Variants in CFAP20DC observed in about 807,000 individuals in gnomAD.
CFAP20DC encodes the protein CFAP20 domain containing.
In CFAP20DC, 84 loss-of-function variants were observed where a neutral mutation model predicts 101.7. The ratio of observed to expected loss-of-function variants is 0.83; its 90% CI spans 0.69 to 0.99. The LOEUF is 0.99. CFAP20DC is among the 50% of genes least tolerant of loss of function. CFAP20DC has a pLI of 0.00. For synonymous variants in CFAP20DC, 359 were observed against 351.2 expected (o/e 1.02, Z -0.25); for missense variants, 1,007 against 970.3 (o/e 1.04, Z -0.50).
At chr3:59,004,501 C>A (rs924679570) in intron 4 of CFAP20DC, among the ~76,000 whole-genome samples, 9 of 152,172 alleles carry the variant, frequency 5.9e-5, no homozygotes, top group African/African-American at 2.2e-4. Context: ...CTCCAAGCAA[C>A]CTCTGGCTTT....
At chr3:58,733,519 A>T (rs1235157564) in intron 3 of CFAP20DC, among the ~76,000 whole-genome samples, 1 of 152,090 alleles carries the variant, frequency 6.6e-6, no homozygotes, top group Non-Finnish European at 1.5e-5. Context: ...AGTAAAAAAA[A>T]CCCTTTAACA....
chr3:58,932,872 G>C (rs2086918290), intron 5 of CFAP20DC, among the ~76,000 whole-genome samples: 1 of 152,124 alleles, frequency 6.6e-6, no homozygotes, highest in South Asian at 2.1e-4. Context: ...CAACTAATGA[G>C]CAAAATACCC....
chr3:58,730,039 A>G (rs2067615877), intron 3 of CFAP20DC, among the ~76,000 whole-genome samples: 2 of 145,868 alleles, frequency 1.4e-5, no homozygotes, highest in Non-Finnish European at 3.0e-5. Context: ...AAAAAAAAAA[A>G]GAAAGTTGAA....
chr3:58,746,547 G>A (rs2068218607), intron 16 of CFAP20DC, among the ~76,000 whole-genome samples: 1 of 152,140 alleles, frequency 6.6e-6, no homozygotes, highest in Non-Finnish European at 1.5e-5. Context: ...TTTGCAAAGG[G>A]ATCGAGGTAG....
At chr3:59,033,057 AG>A (rs2094027469) in intron 4 of CFAP20DC, among the ~76,000 whole-genome samples, 1 of 152,160 alleles carries the variant, frequency 6.6e-6, no homozygotes, top group Non-Finnish European at 1.5e-5. Context: ...CTAGGCAAAC[AG>A]GGTCTGAAGT....
chr3:58,943,956 G>A (rs948273988), intron 4 of CFAP20DC, among the ~76,000 whole-genome samples: 2 of 152,018 alleles, frequency 1.3e-5, no homozygotes, highest in African/African-American at 4.8e-5. Context: ...AATCAATCAA[G>A]CGGAAGAAAG....
chr3:58,942,303 G>C (rs1442534387), intron 4 of CFAP20DC, among the ~76,000 whole-genome samples: 3 of 152,222 alleles, frequency 2.0e-5, no homozygotes. Flanking sequence ...AATAGGAACA[G>C]TTTCGGTCTG....
At chr3:58,758,948 T>C (rs995752671) in intron 15 of CFAP20DC, among the ~76,000 whole-genome samples, 4 of 152,180 alleles carry the variant, frequency 2.6e-5, no homozygotes, top group African/African-American at 9.7e-5. Context: ...TGTTGGACAT[T>C]TGGGTTGGTT....
At chr3:58,860,146 C>T in intron 12 of CFAP20DC, among the ~76,000 whole-genome samples, 1 of 141,862 alleles carries the variant, frequency 7.0e-6, no homozygotes. Flanking sequence ...CACTGCACTC[C>T]AGCCTGGCTA....
chr3:59,031,850 G>C (rs1035282985), intron 4 of CFAP20DC, among the ~76,000 whole-genome samples: 2 of 152,100 alleles, frequency 1.3e-5, no homozygotes. Context: ...TTCTTAGTTT[G>C]TACCAAACTT....
intron 4 of CFAP20DC, among the ~76,000 whole-genome samples, chr3:59,034,241 A>G (rs1428384450): frequency 6.6e-6 from 1 of 152,214 alleles, no homozygotes; most frequent in Non-Finnish European, 1.5e-5. Context: ...CTGCAAAAAC[A>G]TACAAAATTT....
intron 4 of CFAP20DC, among the ~76,000 whole-genome samples, chr3:58,963,241 T>TGTGTGTGTGTGTGTGTG (rs1559906974): frequency 6.7e-5 from 10 of 149,284 alleles, no homozygotes; most frequent in East Asian, 4.0e-4. Context: ...TGTGTGTGTG[T>TGTGTGTGTGTGTGTGTG]TTTAATAAAT....
intron 16 of CFAP20DC, among the ~76,000 whole-genome samples, chr3:58,750,979 TG>T (rs1303731440): frequency 5.3e-5 from 8 of 152,162 alleles, no homozygotes; most frequent in Non-Finnish European, 2.9e-5. Flanking sequence ...AAAATTGGAA[TG>T]GGGGGAAAAT....
intron 4 of CFAP20DC, among the ~76,000 whole-genome samples, chr3:58,938,187 GTATAGGCTCTTAGTC>G (rs1241310349): frequency 6.6e-6 from 1 of 152,132 alleles, no homozygotes; most frequent in South Asian, 2.1e-4. Context: ...CTGTCATTTT[GTATAGGCTCTTAGTC>G]TGCTTAGAGA....
At chr3:58,789,115 A>G (rs1457720556) in intron 15 of CFAP20DC, among the ~76,000 whole-genome samples, 1 of 152,178 alleles carries the variant, frequency 6.6e-6, no homozygotes, top group Non-Finnish European at 1.5e-5. Flanking sequence ...TACAGAAAAA[A>G]GTTCAATCCC....
chr3:58,936,918 T>C (rs2087739531), intron 5 of CFAP20DC, among the ~76,000 whole-genome samples: 1 of 144,224 alleles, frequency 6.9e-6, no homozygotes, highest in Non-Finnish European at 1.5e-5. Flanking sequence ...AAACTTAAAG[T>C]ATAATAATAA....
chr3:58,835,557 G>A (rs1459590705), intron 13 of CFAP20DC, among the ~76,000 whole-genome samples: 1 of 152,166 alleles, frequency 6.6e-6, no homozygotes, highest in Non-Finnish European at 1.5e-5. Context: ...CACTGCTGAT[G>A]CTATATTTGC....
chr3:58,849,649 T>C (rs914846227), intron 12 of CFAP20DC, among the ~76,000 whole-genome samples: 3 of 152,182 alleles, frequency 2.0e-5, no homozygotes, highest in African/African-American at 7.2e-5. Context: ...GGCATATTTT[T>C]TACTCATGAA....
chr3:58,999,843 TAA>T (rs565894929), intron 4 of CFAP20DC, among the ~76,000 whole-genome samples: 164 of 76,784 alleles, frequency 2.1e-3, no homozygotes, highest in African/African-American at 6.4e-3. Flanking sequence ...GTCACTAATG[TAA>T]AAAAAAAAAA....
Sources: gnomAD v4.1 joint callset for allele counts (sites outside exome capture counted in the v4.1 genomes callset) on GRCh38, gnomAD v4.1.1 for gene constraint, MANE v1.5 for transcripts, NCBI Gene and HGNC (gene_info 2026-07-23, HGNC 2026-07-21) for gene names.